Variants in ELOVL5 observed in about 807,000 individuals in gnomAD.
ELOVL5 encodes ELOVL fatty acid elongase 5.
ELOVL5 carries 8 observed loss-of-function variants against 38.6 expected under a neutral mutation model. The ratio of observed to expected loss-of-function variants is 0.21; its 90% CI spans 0.12 to 0.37. The LOEUF (loss-of-function observed/expected upper bound fraction) is 0.37, where lower values mean the gene tolerates loss of function less well. ELOVL5 is among the 10% of genes least tolerant of loss of function. The pLI is 1.00. For synonymous variants in ELOVL5, 127 were observed against 133.7 expected (o/e 0.95, Z 0.34); for missense variants, 280 against 367.8 (o/e 0.76, Z 1.95).
chr6:53,325,954 C>G (rs967187206), intron 1 of ELOVL5, among the ~76,000 whole-genome samples: 3 of 152,190 alleles, frequency 2.0e-5, no homozygotes, highest in Admixed American at 2.0e-4. Context: ...TGAACTAACT[C>G]TGGACAGAGC....
At chr6:53,345,762 T>C (rs899506020) in intron 1 of ELOVL5, among the ~76,000 whole-genome samples, 3 of 137,862 alleles carry the variant, frequency 2.2e-5, no homozygotes, top group African/African-American at 5.0e-5. Context: ...TGTTACATAA[T>C]GGCACAGAGC....
At chr6:53,316,897 T>C (rs1349944631) in intron 1 of ELOVL5, among the ~76,000 whole-genome samples, 1 of 152,202 alleles carries the variant, frequency 6.6e-6, no homozygotes, top group Non-Finnish European at 1.5e-5. Flanking sequence ...CTCGTGTATG[T>C]TTCATAACCT....
At chr6:53,271,214 G>A (rs770266260) in intron 6 of ELOVL5, among the ~76,000 whole-genome samples, 2 of 152,168 alleles carry the variant, frequency 1.3e-5, no homozygotes, top group African/African-American at 4.8e-5. Flanking sequence ...ACCTTGAAAC[G>A]CATGTGAACT....
chr6:53,305,028 G>A (rs1341051199), intron 1 of ELOVL5, among the ~76,000 whole-genome samples: 16 of 150,172 alleles, frequency 1.1e-4, no homozygotes, highest in African/African-American at 1.5e-4. Flanking sequence ...CTCACCTCCC[G>A]GACGGGGCGG....
chr6:53,319,898 ATAT>A (rs1768227058), intron 1 of ELOVL5, among the ~76,000 whole-genome samples: 1 of 148,872 alleles, frequency 6.7e-6, no homozygotes, highest in Non-Finnish European at 1.5e-5. Flanking sequence ...GAGTACTCTC[ATAT>A]TATCTGGTTT....
At chr6:53,329,517 C>T (rs1342186589) in intron 1 of ELOVL5, among the ~76,000 whole-genome samples, 4 of 152,112 alleles carry the variant, frequency 2.6e-5, no homozygotes, top group African/African-American at 9.7e-5. Flanking sequence ...TTCTCTCAAG[C>T]CACTTTGTCT....
intron 1 of ELOVL5, among the ~76,000 whole-genome samples, chr6:53,310,993 C>A (rs934631522): frequency 6.6e-6 from 1 of 152,180 alleles, no homozygotes; most frequent in Non-Finnish European, 1.5e-5. Flanking sequence ...AAAATAGCAA[C>A]TGAGTCCACA....
chr6:53,316,920 G>A (rs777638383), intron 1 of ELOVL5, among the ~76,000 whole-genome samples: 12 of 152,118 alleles, frequency 7.9e-5, no homozygotes, highest in East Asian at 1.9e-4. Flanking sequence ...TCGATTAGGA[G>A]GCATGTCATA....
chr6:53,345,845 G>A (rs371714861), intron 1 of ELOVL5, among the ~76,000 whole-genome samples: 1 of 152,160 alleles, frequency 6.6e-6, no homozygotes, highest in African/African-American at 2.4e-5. Flanking sequence ...CAGAGCTATA[G>A]GAATTTGGAC....
At position 53,348,928 on chromosome 6, in the gene ELOVL5, T is replaced by A. The variant is rs1272304348; in HGVS notation, c.-120A>T. 1 of 441,644 alleles carries A rather than the reference T, an allele frequency of 2.3e-6. No homozygotes were observed. Among genetic ancestry groups the A allele is most frequent in the Non-Finnish European group, 4.5e-6 (1 of 220,064 alleles). 27.4% of individuals were successfully genotyped at this position (441,644 alleles called of 1,614,324 possible). On this transcript the variant is annotated 5_prime_UTR_variant, in exon 1 of 8. Coordinates refer to ENST00000304434, the MANE Select transcript of ELOVL5 (RefSeq NM_021814.5). ...GGATGTAGAAGGAGACACCGGTGGCTAGGACCCGCGCGATGGGAAGAGGAA... is the reference window on the plus strand; with the variant it reads ...GGATGTAGAAGGAGACACCGGTGGCAAGGACCCGCGCGATGGGAAGAGGAA...
At chr6:53,277,166 C>T (rs377283854) in intron 3 of ELOVL5, 10 of 153,642 alleles carry the variant, frequency 6.5e-5, no homozygotes, top group Admixed American at 5.2e-4. Context: ...GAGGTGATTA[C>T]AAGGATCTGA....
At chr6:53,335,751 G>A (rs891674510) in intron 1 of ELOVL5, among the ~76,000 whole-genome samples, 1 of 152,138 alleles carries the variant, frequency 6.6e-6, no homozygotes, top group African/African-American at 2.4e-5. Context: ...GAATAAAGAT[G>A]AGATTTTCCA....
At position 53,267,833 on chromosome 6, in the gene ELOVL5, C is replaced by T. The variant is rs112894921; in HGVS notation, c.*1294G>A. On this transcript the variant is annotated 3_prime_UTR_variant, in exon 8 of 8. Coordinates refer to ENST00000304434, the MANE Select transcript of ELOVL5 (RefSeq NM_021814.5). Reference sequence around the variant, plus strand: ...GAGAAGGTATTCAGAGGCTAAATTCCGACACTTTAAAATGACACACATCAT... The same window carrying T: ...GAGAAGGTATTCAGAGGCTAAATTCTGACACTTTAAAATGACACACATCAT... The T allele has an allele frequency of 2.6e-4, 39 of 152,466 alleles. No individual in the cohort carries two copies. The highest frequency in any genetic ancestry group is 8.7e-4 in the African/African-American group (36 of 41,522). The allele number at this position is 152,466 out of a possible 1,614,324, so 9.4% of individuals were successfully genotyped here. A position where few individuals can be genotyped will look rare whatever the true frequency, so the allele number is the denominator to read the frequency against.
intron 1 of ELOVL5, among the ~76,000 whole-genome samples, chr6:53,306,801 A>C (rs1396900145): frequency 2.6e-5 from 4 of 152,228 alleles, no homozygotes; most frequent in African/African-American, 9.6e-5. Flanking sequence ...AGTGGTGATA[A>C]CTTTTAATTG....
At chr6:53,327,336 C>T (rs967112896) in intron 1 of ELOVL5, among the ~76,000 whole-genome samples, 2 of 152,164 alleles carry the variant, frequency 1.3e-5, no homozygotes, top group African/African-American at 4.8e-5. Flanking sequence ...CTATGAATCC[C>T]TTAAAAGTCC....
At chr6:53,273,677 T>G (rs1023060149) in intron 5 of ELOVL5, among the ~76,000 whole-genome samples, 1 of 152,216 alleles carries the variant, frequency 6.6e-6, no homozygotes, top group Non-Finnish European at 1.5e-5. Flanking sequence ...TTTCTTTACA[T>G]GCACAACTGC....
At chr6:53,312,503 G>GGGGTTAC (rs1318576832) in intron 1 of ELOVL5, among the ~76,000 whole-genome samples, 1 of 152,140 alleles carries the variant, frequency 6.6e-6, no homozygotes, top group African/African-American at 2.4e-5. Flanking sequence ...CAAATTGCCT[G>GGGGTTAC]GGGTTACAAA....
intron 1 of ELOVL5, among the ~76,000 whole-genome samples, chr6:53,317,306 C>A (rs1768090663): frequency 6.6e-6 from 1 of 152,166 alleles, no homozygotes; most frequent in African/African-American, 2.4e-5. Flanking sequence ...AAAACCTAAT[C>A]CAGTTATAAA....
At position 53,348,855 on chromosome 6, in the gene ELOVL5, C is replaced by G. The variant is rs1336615255; in HGVS notation, c.-47G>C. The G allele has an allele frequency of 2.2e-6, 1 of 458,610 alleles. No homozygotes were observed. The highest frequency in any genetic ancestry group is 2.0e-5 in the African/African-American group (1 of 49,910). 28.4% of individuals were successfully genotyped at this position (458,610 alleles called of 1,614,324 possible). ...GGGCGGCAGCAGCTTTGAGCAGCAGCAAGGCGGCGGCGGCGGAGGGAGCGC... is the reference window on the plus strand; with the variant it reads ...GGGCGGCAGCAGCTTTGAGCAGCAGGAAGGCGGCGGCGGCGGAGGGAGCGC... On this transcript the variant is annotated 5_prime_UTR_variant, in exon 1 of 8. Coordinates refer to ENST00000304434, the MANE Select transcript of ELOVL5 (RefSeq NM_021814.5).
Sources: gnomAD v4.1 joint callset for allele counts (sites outside exome capture counted in the v4.1 genomes callset) on GRCh38, gnomAD v4.1.1 for gene constraint, MANE v1.5 for transcripts, NCBI Gene and HGNC (gene_info 2026-07-23, HGNC 2026-07-21) for gene names.